Variants in TTLL7 observed in about 807,000 individuals in gnomAD.
The protein encoded by TTLL7 is tubulin polyglutamylase TTLL7.
TTLL7 carries 53 observed loss-of-function variants against 120.2 expected under a neutral mutation model. The ratio of observed to expected loss-of-function variants is 0.44; its 90% CI spans 0.35 to 0.55. TTLL7 has a LOEUF of 0.55. Ranked by LOEUF, TTLL7 falls within the 20% of genes least tolerant of loss-of-function variation. The pLI is 0.00. For synonymous variants in TTLL7, 353 were observed against 351.7 expected (o/e 1.00, Z -0.04); for missense variants, 803 against 1,054.7 (o/e 0.76, Z 3.31).
At chr1:83,946,598 C>T (rs1342842640) in intron 6 of TTLL7, among the ~76,000 whole-genome samples, 1 of 152,184 alleles carries the variant, frequency 6.6e-6, no homozygotes, top group Non-Finnish European at 1.5e-5. Context: ...TCTCAGTTAA[C>T]ATGTCCAGCT....
At chr1:83,979,683 G>A (rs1651790362) in intron 1 of TTLL7, 1 of 152,136 alleles carries the variant, frequency 6.6e-6, no homozygotes, top group Admixed American at 6.5e-5. Flanking sequence ...CTACACCTAG[G>A]AATGATCAAA....
chr1:83,980,886 T>C (rs1217422390), intron 1 of TTLL7: 3 of 152,164 alleles, frequency 2.0e-5, no homozygotes, highest in Non-Finnish European at 4.4e-5. Context: ...AAGTTTTCTA[T>C]ACTTAATTCA....
chr1:83,976,031 C>CTG (rs1237235472), intron 1 of TTLL7, among the ~76,000 whole-genome samples: 21 of 64,324 alleles, frequency 3.3e-4, no homozygotes, highest in South Asian at 5.6e-4. Flanking sequence ...TTTTGTCTCT[C>CTG]TCTGTGTGTG....
At chr1:83,945,598 G>A (rs1648410781) in intron 6 of TTLL7, among the ~76,000 whole-genome samples, 1 of 152,078 alleles carries the variant, frequency 6.6e-6, no homozygotes, top group African/African-American at 2.4e-5. Flanking sequence ...AGATGAGAGA[G>A]GTGTTCTTTA....
At chr1:83,917,914 T>G (rs1658330147) in intron 13 of TTLL7, among the ~76,000 whole-genome samples, 1 of 152,160 alleles carries the variant, frequency 6.6e-6, no homozygotes, top group Non-Finnish European at 1.5e-5. Flanking sequence ...TATTCTGTAT[T>G]AATTATCCTA....
chr1:83,877,017 TTGTTG>T (rs1653986160), intron 20 of TTLL7, among the ~76,000 whole-genome samples: 1 of 152,008 alleles, frequency 6.6e-6, no homozygotes, highest in Non-Finnish European at 1.5e-5. Context: ...CTAGGTATGT[TTGTTG>T]TAAGTTTTTC....
At chr1:83,948,491 C>A (rs1296139472) in intron 5 of TTLL7, 137 bp downstream of exon 5, 3 of 573,228 alleles carry the variant, frequency 5.2e-6, no homozygotes, top group African/African-American at 1.9e-5. Flanking sequence ...CCTTCTAAGA[C>A]CTCTCTAGCT....
chr1:83,936,985 A>G (rs1647452315), intron 8 of TTLL7, among the ~76,000 whole-genome samples: 1 of 152,130 alleles, frequency 6.6e-6, no homozygotes, highest in Non-Finnish European at 1.5e-5. Flanking sequence ...CTTTGGATTT[A>G]TGGCCTGTGA....
intron 1 of TTLL7, among the ~76,000 whole-genome samples, chr1:83,955,772 T>C (rs2100871239): frequency 6.6e-6 from 1 of 152,286 alleles, no homozygotes; most frequent in Non-Finnish European, 1.5e-5. Context: ...CCCAATACTT[T>C]GGGAGGCCTA....
Position 83,865,218 on chromosome 1 carries a change from T to TC in TTLL7, c.*4743dup, listed in dbSNP as rs1383666855. On this transcript the variant is annotated 3_prime_UTR_variant, in exon 21 of 21. Coordinates refer to ENST00000260505, the MANE Select transcript of TTLL7 (RefSeq NM_024686.6). ...GTAAAGCACACGGGGATAATGTGAG[T>TC]CATGATTCATGTTAGCAAATGTATT... The TC allele has an allele frequency of 6.6e-6, 1 of 151,930 alleles. No individual in the cohort carries two copies. The allele number at this position is 151,930 out of a possible 1,614,324, so 9.4% of individuals were successfully genotyped here.
chr1:83,927,579 T>C (rs1469830575), intron 10 of TTLL7, among the ~76,000 whole-genome samples: 2 of 152,108 alleles, frequency 1.3e-5, no homozygotes, highest in Non-Finnish European at 2.9e-5. Context: ...GGAAATAAGA[T>C]AGAACAGCTA....
At chr1:83,976,031 C>CTGTG (rs1237235472) in intron 1 of TTLL7, among the ~76,000 whole-genome samples, 6 of 64,238 alleles carry the variant, frequency 9.3e-5, no homozygotes, top group Non-Finnish European at 2.2e-4. Flanking sequence ...TTTTGTCTCT[C>CTGTG]TCTGTGTGTG....
chr1:83,969,474 A>G (rs573803773), intron 1 of TTLL7, among the ~76,000 whole-genome samples: 1 of 152,134 alleles, frequency 6.6e-6, no homozygotes, highest in Admixed American at 6.5e-5. Context: ...TACTCAAGTC[A>G]AACTCAAAGC....
In TTLL7 at chr1:83,996,733, A is replaced by T. The variant is rs910827212; in HGVS notation, c.-177+2198T>A. Among the ~76,000 whole-genome samples, 4 of 152,220 alleles carry T rather than the reference A, an allele frequency of 2.6e-5. No homozygotes were observed. In the East Asian group the frequency reaches 5.8e-4, roughly 22 times the overall value. ...ATGGTTTGCAGACTGTAGTCATTGG[A>T]CAGAGGAGAGAGAGCAGTTCTAAAG... On this transcript the variant is annotated intron_variant, in intron 1 of 20. Coordinates refer to ENST00000260505, the MANE Select transcript of TTLL7 (RefSeq NM_024686.6).
rs1256548179 is a variant in TTLL7, at chr1:83,907,470, T to C, written c.1978A>G (p.Thr660Ala). 1 of 1,612,686 alleles carries C rather than the reference T, an allele frequency of 6.2e-7. No individual in the cohort carries two copies. The highest frequency in any genetic ancestry group is 1.7e-5 in the Admixed American group (1 of 59,888). ...HLPHSNDACS[T>A]NSQVSESLRQ... ...AGATGACCTACCACTTGAGAGTTGG[T>C]AGAGCAGGCATCATTACTGTGAGGC... is the stretch of plus-strand genomic sequence containing the variant. Residue 660 changes from threonine (T) to alanine (A), a missense_variant, in exon 16 of 21, where the codon ACC becomes GCC. Physicochemically the swap from Thr to Ala is moderately conservative, Grantham distance 58 (BLOSUM62 0). Transcript: ENST00000260505.
chr1:83,973,250 G>A (rs1651156514), intron 1 of TTLL7, among the ~76,000 whole-genome samples: 1 of 152,024 alleles, frequency 6.6e-6, no homozygotes, highest in Non-Finnish European at 1.5e-5. Context: ...TTTTTGTGAA[G>A]AGTGTAAAGC....
At chr1:83,984,749 A>T (rs752284593) in intron 1 of TTLL7, among the ~76,000 whole-genome samples, 8 of 152,170 alleles carry the variant, frequency 5.3e-5, no homozygotes, top group Non-Finnish European at 1.2e-4. Flanking sequence ...AAAGATGGCA[A>T]CAGTAGACTC....
At position 83,866,882 on chromosome 1, in the gene TTLL7, G is replaced by A. The variant is rs181969569; in HGVS notation, c.*3080C>T. 5.3e-5 allele frequency: 8 copies of A among 152,036 alleles called. No homozygotes were observed. Among genetic ancestry groups the A allele is most frequent in the East Asian group, 1.9e-4 (1 of 5,188 alleles). 9.4% of individuals were successfully genotyped at this position (152,036 alleles called of 1,614,324 possible). A position where few individuals can be genotyped will look rare whatever the true frequency, so the allele number is the denominator to read the frequency against. ...AAACTAGTTTGCAGTCTCAGACTAC[G>A]TTTGTAAGTGATGATTTAAAATAAA... On this transcript the variant is annotated 3_prime_UTR_variant, in exon 21 of 21. Transcript: ENST00000260505.
chr1:83,907,783 G>T, intron 15 of TTLL7, 122 bp from the exon 16 acceptor site: 1 of 829,470 alleles, frequency 1.2e-6, no homozygotes, highest in Non-Finnish European at 1.9e-6. Context: ...AAATGTCAAA[G>T]CATAGGCATC....
Sources: gnomAD v4.1 joint callset for allele counts (sites outside exome capture counted in the v4.1 genomes callset) on GRCh38, gnomAD v4.1.1 for gene constraint, MANE v1.5 for transcripts, NCBI Gene and HGNC (gene_info 2026-07-23, HGNC 2026-07-21) for gene names.